The following PRH1 variants were observed in gnomAD, a reference collection of about 807,000 sequenced individuals.
PRH1 encodes proline rich protein HaeIII subfamily 1.
Under a neutral mutation model 7.9 loss-of-function variants are expected in PRH1, and 7 were observed. That is an observed-to-expected ratio of 0.89 (90% CI 0.50 to 1.67). The LOEUF (loss-of-function observed/expected upper bound fraction) is 1.67. PRH1 is among the 40% of genes most tolerant of loss of function. The pLI is 0.00. For synonymous variants in PRH1, 45 were observed against 80.8 expected, an observed-to-expected ratio of 0.56 and a Z score of 2.38; for missense variants, 109 against 223.6, an observed-to-expected ratio of 0.49 and a Z score of 3.27.
chr12:11,133,092 G>A, intron 1 of PRH1: 1 of 626,768 alleles, frequency 1.6e-6, no homozygotes, highest in Non-Finnish European at 2.3e-6. Context: ...TAAAAAGCAT[G>A]TTATTGTCAA....
chr12:11,092,146 T>C lies in PRH1; in HGVS notation n.124-44958A>G, dbSNP rs200369046. The C allele has an allele frequency of 0.35, 251,633 of 718,798 alleles. 68,788 individuals are homozygous for C. The highest frequency in any genetic ancestry group is 0.41 in the East Asian group (5,656 of 13,934). 44.5% of individuals were successfully genotyped at this position (718,798 alleles called of 1,614,324 possible). ...TGAACCACTCAATGGAATTTACCAG[T>C]GCTATGAAGCCATTAGCAAAATTTC... On this transcript the variant is annotated intron_variant and non_coding_transcript_variant, in intron 1 of 4. Coordinates refer to the PRH1 transcript ENST00000541977.
chr12:11,167,345 T>A (rs528688558), intron 1 of PRH1, among the ~76,000 whole-genome samples: 74 of 152,322 alleles, frequency 4.9e-4, no homozygotes, highest in Non-Finnish European at 7.3e-4. Context: ...TTTGTTAAAA[T>A]TTCAGCCATT....
At chr12:11,050,658 C>G (rs1440647347), upstream of PRH1, among the ~76,000 whole-genome samples, 1 of 152,286 alleles carries the variant, frequency 6.6e-6, no homozygotes, top group Non-Finnish European at 1.5e-5. Flanking sequence ...AAACAGTCAG[C>G]AATTTTGCAA....
At chr12:11,153,113 T>C (rs1321923564) in intron 1 of PRH1, among the ~76,000 whole-genome samples, 1 of 152,150 alleles carries the variant, frequency 6.6e-6, no homozygotes, top group Non-Finnish European at 1.5e-5. Flanking sequence ...TATAATCAAG[T>C]TCCTATAGAA....
intron 2 of PRH1, among the ~76,000 whole-genome samples, chr12:10,903,674 C>T (rs1177236423): frequency 6.6e-6 from 1 of 151,454 alleles, no homozygotes. Context: ...AAAGTCCTAG[C>T]CAGGACAATC....
chr12:11,071,676 C>A (rs1402913348), intron 1 of PRH1, among the ~76,000 whole-genome samples: 1 of 152,034 alleles, frequency 6.6e-6, no homozygotes, highest in Non-Finnish European at 1.5e-5. Flanking sequence ...GCCAAGAAGG[C>A]CAGCAAGTTG....
intron 1 of PRH1, among the ~76,000 whole-genome samples, chr12:11,046,776 C>G (rs1942915195): frequency 6.6e-6 from 1 of 151,972 alleles, no homozygotes; most frequent in South Asian, 2.1e-4. Context: ...GTATATTTTT[C>G]TACTTATCAT....
At chr12:11,152,917 A>T (rs919406356) in intron 1 of PRH1, among the ~76,000 whole-genome samples, 1 of 152,190 alleles carries the variant, frequency 6.6e-6, no homozygotes, top group Non-Finnish European at 1.5e-5. Flanking sequence ...GAGACTGTGG[A>T]TCATGACAGA....
At chr12:11,049,449 T>A (rs1258277960), upstream of PRH1, among the ~76,000 whole-genome samples, 1 of 60,936 alleles carries the variant, frequency 1.6e-5, no homozygotes, top group Non-Finnish European at 4.5e-5. Flanking sequence ...AAGCTGTCTT[T>A]ATAGAAATAG....
rs1555178282 is a variant in PRH1, at chr12:11,168,267, AG to A, written n.39+3154del. Among the ~76,000 whole-genome samples the A allele has an allele frequency of 3.5e-3, 127 of 36,610 alleles. 25 individuals are homozygous for A. The East Asian group carries it at 0.083, about 24-fold the overall frequency. 24.0% of individuals were successfully genotyped at this position (36,610 alleles called of 152,430 possible). On this transcript the variant is annotated intron_variant and non_coding_transcript_variant, in intron 1 of 1. Coordinates refer to the PRH1 transcript ENST00000541175. ...AAGAAAGAAAGAAAGAAAGAAAGAAAGAAAGAAAGAAAGAAAGAAAGAAAGA... is the reference window on the plus strand; with the variant it reads ...AAGAAAGAAAGAAAGAAAGAAAGAAAAAAGAAAGAAAGAAAGAAAGAAAGA...
intron 2 of PRH1, among the ~76,000 whole-genome samples, chr12:10,953,441 C>T (rs1591721313): frequency 6.6e-6 from 1 of 152,160 alleles, no homozygotes; most frequent in Non-Finnish European, 1.5e-5. Context: ...GAGCTGAAAA[C>T]ATCACTTCAC....
intron 1 of PRH1, among the ~76,000 whole-genome samples, chr12:11,056,532 A>C (rs1352389892): frequency 6.6e-6 from 1 of 152,178 alleles, no homozygotes; most frequent in East Asian, 1.9e-4. Context: ...ATTATCACCT[A>C]TAAAAAGCAG....
chr12:11,055,803 C>T (rs977603616), intron 1 of PRH1, among the ~76,000 whole-genome samples: 2 of 152,350 alleles, frequency 1.3e-5, no homozygotes, highest in South Asian at 4.1e-4. Flanking sequence ...GATGCCTACA[C>T]TGTTATATGC....
chr12:11,160,487 T>C (rs1474946407), intron 1 of PRH1, among the ~76,000 whole-genome samples: 1 of 142,964 alleles, frequency 7.0e-6, no homozygotes, highest in Non-Finnish European at 1.6e-5. Flanking sequence ...GTTTGTTTTT[T>C]TGAGACAGAG....
chr12:11,085,893 T>C lies in PRH1; in HGVS notation n.124-38705A>G, dbSNP rs1944670464. ...CATACATTGGATGCCTGCACTGTTA[T>C]ATGTAGCTTGGTCAAAACTAGAGTC... is the stretch of plus-strand genomic sequence containing the variant. On this transcript the variant is annotated intron_variant and non_coding_transcript_variant, in intron 1 of 4. Coordinates refer to the PRH1 transcript ENST00000541977. Among the ~76,000 whole-genome samples, 3 of 118,870 alleles carry C rather than the reference T, an allele frequency of 2.5e-5. No homozygotes were observed. The South Asian group carries it at 6.8e-4, about 27-fold the overall frequency. The allele number at this position is 118,870 out of a possible 152,430, so 78.0% of individuals were successfully genotyped here. A position where few individuals can be genotyped will look rare whatever the true frequency, so the allele number is the denominator to read the frequency against.
intron 1 of PRH1, among the ~76,000 whole-genome samples, chr12:11,036,512 G>T (rs530998288): frequency 6.6e-6 from 1 of 152,118 alleles, no homozygotes; most frequent in Non-Finnish European, 1.5e-5. Flanking sequence ...AAATAAAAGC[G>T]TGCTCAAAAA....
chr12:10,914,271 T>C (rs1237560921), intron 2 of PRH1, among the ~76,000 whole-genome samples: 2 of 152,240 alleles, frequency 1.3e-5, no homozygotes, highest in Non-Finnish European at 2.9e-5. Context: ...AATAATTGCC[T>C]ACTGTCTAGC....
At chr12:11,030,645 C>T in intron 1 of PRH1, 1 of 1,614,202 alleles carries the variant, frequency 6.2e-7, no homozygotes, top group Non-Finnish European at 8.5e-7. Context: ...AAAAAGATCA[C>T]AGTTTGCAAA....
chr12:10,983,937 C>T (rs1311439997), intron 1 of PRH1, among the ~76,000 whole-genome samples: 1 of 152,132 alleles, frequency 6.6e-6, no homozygotes, highest in African/African-American at 2.4e-5. Context: ...GTTCTAGACA[C>T]CCAAGGCTAA....
Sources: gnomAD v4.1 joint callset for allele counts (sites outside exome capture counted in the v4.1 genomes callset) on GRCh38, gnomAD v4.1.1 for gene constraint, MANE v1.5 for transcripts, NCBI Gene and HGNC (gene_info 2026-07-23, HGNC 2026-07-21) for gene names.